The following MED25 variants were observed in gnomAD, a reference collection of about 807,000 sequenced individuals.
MED25 encodes mediator complex subunit 25.
MED25 carries 62 observed loss-of-function variants against 89.4 expected under a neutral mutation model. That is an observed-to-expected ratio of 0.69 (90% CI 0.57 to 0.86). The LOEUF (loss-of-function observed/expected upper bound fraction) is 0.86. Among genes scored for constraint, MED25 ranks in the 40% least tolerant of loss-of-function variants. The probability of loss-of-function intolerance (pLI) is 0.00; values close to 1 mark genes in which losing one functional copy is unlikely to be tolerated. For synonymous variants in MED25, 449 were observed against 427.9 expected (o/e 1.05, Z -0.61); for missense variants, 905 against 1,005.2 (o/e 0.90, Z 1.35).
Position 49,835,128 on chromosome 19 carries a change from CCAACCACAAG to C in MED25, c.1628_1637del (p.Asn543ArgfsTer51), listed in dbSNP as rs770792425. The C allele has an allele frequency of 7.4e-6, 12 of 1,614,000 alleles. No individual in the cohort carries two copies. The highest frequency in any genetic ancestry group is 1.0e-5 in the Non-Finnish European group (12 of 1,180,028). On this transcript the variant is annotated frameshift_variant, in exon 14 of 18. Transcript: ENST00000312865. LOFTEE classifies it high-confidence loss of function. This position sits in a 1 kb window ranked among gnomAD's most constrained non-coding sequence, Gnocchi z 6.2. Reference sequence around the variant, plus strand: ...GTCAACGGCATCCGGCAGGTCATCACCAACCACAAGCAGGTCCAGCAGCAGAAGCTGGAGC... The same window carrying C: ...GTCAACGGCATCCGGCAGGTCATCACCAGGTCCAGCAGCAGAAGCTGGAGC...
rs771874021 is a variant in MED25, at chr19:49,830,516, C to T, written c.825C>T (p.Pro275=). ...TTCTTCCCTTCTACCCACAGGTTCC[C>T]GGGAACCTGAGTGCAGCTCAGGTGG... ...LPPVPPQYQV[P]GNLSAAQVAA... Residue 275 remains proline (P), a synonymous_variant, in exon 8 of 18, where the codon CCC becomes CCT. Transcript: ENST00000312865. This position sits in a 1 kb window ranked among gnomAD's most constrained non-coding sequence, Gnocchi z 4.6. 4.0e-5 allele frequency: 65 copies of T among 1,613,916 alleles called. No homozygotes were observed. The highest frequency in any genetic ancestry group is 1.1e-4 in the African/African-American group (8 of 74,904).
chr19:49,835,195 C>T lies in MED25; in HGVS notation c.1674+18C>T. On this transcript the variant is annotated intron_variant, in intron 14 of 17. Transcript: ENST00000312865. The surrounding 1 kb of genome is among the most constrained non-coding windows in gnomAD (Gnocchi z 6.2). ...AGCGAGGAGTGAGTGTTGACAGTCC[C>T]CAAACCAGCACTCCGACCCCCTCCT... The T allele has an allele frequency of 6.2e-7, 1 of 1,613,626 alleles. No homozygotes were observed.
chr19:49,818,328 G>T lies in MED25; in HGVS notation c.-14G>T, dbSNP rs945390096. 6 of 1,572,476 alleles carry T rather than the reference G, an allele frequency of 3.8e-6. No homozygotes were observed. Among genetic ancestry groups the T allele is most frequent in the East Asian group, 2.4e-5 (1 of 42,444 alleles). The stretch of plus-strand genomic sequence containing the variant: ...GCTGCGGCTGCAGTGGTGGTGGCGG[G>T]TACCGCACGGGGTATGGTCCCCGGG... On this transcript the variant is annotated 5_prime_UTR_variant, in exon 1 of 18. Coordinates refer to ENST00000312865, the MANE Select transcript of MED25 (RefSeq NM_030973.4).
At chr19:49,819,808 C>T (rs2073969446) in intron 3 of MED25, 1 of 189,184 alleles carries the variant, frequency 5.3e-6, no homozygotes, top group Admixed American at 5.6e-5. Context: ...ATAGATCCCT[C>T]TGTGGCTTGG....
Position 49,831,514 on chromosome 19 carries a change from TG to T in MED25, c.1230+56del. ...CTTGGGACTCCTGGGGCCGTGGGGC[TG>T]GGCATGTAGGACTCATGGGGCCAGA... On this transcript the variant is annotated intron_variant, in intron 10 of 17. Coordinates refer to ENST00000312865, the MANE Select transcript of MED25 (RefSeq NM_030973.4). The surrounding 1 kb of genome is among the most constrained non-coding windows in gnomAD (Gnocchi z 5.0). 6.3e-7 allele frequency: 1 copy of T among 1,591,660 alleles called. No homozygotes were observed. Among genetic ancestry groups the T allele is most frequent in the South Asian group, 1.1e-5 (1 of 88,288 alleles).
Position 49,835,611 on chromosome 19 carries a change from G to T in MED25, c.1746+6G>T. 6.4e-7 allele frequency: 1 copy of T among 1,559,342 alleles called. No individual in the cohort carries two copies. Among genetic ancestry groups the T allele is most frequent in the East Asian group, 2.4e-5 (1 of 41,682 alleles). On this transcript the variant is annotated splice_donor_region_variant and intron_variant, in intron 15 of 17. Coordinates refer to ENST00000312865, the MANE Select transcript of MED25 (RefSeq NM_030973.4). This position sits in a 1 kb window ranked among gnomAD's most constrained non-coding sequence, Gnocchi z 6.2. Reference sequence around the variant, plus strand: ...CCAGGCCCTCACAGAATCTGGTGAGGACAGGGCTGGCGGGGTCGGGGCTGG... The same window carrying T: ...CCAGGCCCTCACAGAATCTGGTGAGTACAGGGCTGGCGGGGTCGGGGCTGG...
chr19:49,826,111 C>T (rs1227055642), intron 3 of MED25, among the ~76,000 whole-genome samples: 3 of 151,978 alleles, frequency 2.0e-5, no homozygotes, highest in Admixed American at 6.6e-5. Context: ...GAGGCCGAGG[C>T]GGGTGGATCA....
chr19:49,832,829 A>C (rs2074068425), intron 13 of MED25: 1 of 303,500 alleles, frequency 3.3e-6, no homozygotes, highest in South Asian at 3.0e-5. Flanking sequence ...CTCTCTCTAG[A>C]GGCTGGAGGG....
chr19:49,838,592 A>C, downstream of MED25: 1 of 457,460 alleles, frequency 2.2e-6, no homozygotes, highest in South Asian at 1.5e-5. Flanking sequence ...GCAAAACGAA[A>C]GAGAGAAGGA....
At chr19:49,828,888 G>A in intron 4 of MED25, 82 bp from the exon 5 acceptor site, 1 of 1,593,582 alleles carries the variant, frequency 6.3e-7, no homozygotes, top group Non-Finnish European at 8.5e-7. Context: ...CGGAATATGT[G>A]CATCTCCGCT....
At position 49,830,584 on chromosome 19, in the gene MED25, G is replaced by A; in HGVS notation, c.893G>A (p.Gly298Glu). The A allele has an allele frequency of 6.2e-7, 1 of 1,614,176 alleles. No individual in the cohort carries two copies. Among genetic ancestry groups the A allele is most frequent in the Non-Finnish European group, 8.5e-7 (1 of 1,180,008 alleles). Reference protein sequence around the residue: ...AVEAAKNQKAGLGPRFSPITP... With the variant: ...AVEAAKNQKAELGPRFSPITP... ...GAGGCTGCCAAGAACCAGAAGGCTG[G>A]GCTGGGCCCTCGCTGTGAGTCCTGG... The change falls in exon 8 of 18, where the codon GGG becomes GAG. Residue 298 changes from glycine to glutamate, a missense_variant. By Grantham distance (98) the Gly-to-Glu change is moderately conservative (BLOSUM62 -2). Around this residue, in one of 3 missense-constraint regions of MED25, gnomAD observed 501 missense variants for 526.9 expected, o/e 0.95. Coordinates refer to ENST00000312865, the MANE Select transcript of MED25 (RefSeq NM_030973.4). This position sits in a 1 kb window ranked among gnomAD's most constrained non-coding sequence, Gnocchi z 4.6.
At chr19:49,822,993 G>A (rs2073993725) in intron 3 of MED25, among the ~76,000 whole-genome samples, 1 of 152,118 alleles carries the variant, frequency 6.6e-6, no homozygotes, top group South Asian at 2.1e-4. Flanking sequence ...CTGTTGCCCA[G>A]ATTGGAGTGC....
Position 49,831,007 on chromosome 19 carries a change from G to C in MED25, c.1101+120G>C, listed in dbSNP as rs1006905058. 1 of 1,144,838 alleles carries C rather than the reference G, an allele frequency of 8.7e-7. No individual in the cohort carries two copies. The allele number at this position is 1,144,838 out of a possible 1,614,324, so 70.9% of individuals were successfully genotyped here. A position where few individuals can be genotyped will look rare whatever the true frequency, so the allele number is the denominator to read the frequency against. On this transcript the variant is annotated intron_variant, in intron 9 of 17. Coordinates refer to ENST00000312865, the MANE Select transcript of MED25 (RefSeq NM_030973.4). This position sits in a 1 kb window ranked among gnomAD's most constrained non-coding sequence, Gnocchi z 5.0. ...TGGCTCTCGTGGTTCTGGGGCTTTG[G>C]GGGCTCGTGGTGTGTGTGCTGCAGA...
chr19:49,821,138 CTGG>C (rs938440627), intron 3 of MED25, among the ~76,000 whole-genome samples: 1 of 152,156 alleles, frequency 6.6e-6, no homozygotes, highest in African/African-American at 2.4e-5. Context: ...AGGGGTTTGA[CTGG>C]TGGTGGGGAA....
rs1188355950 is a variant in MED25, at chr19:49,835,779, G to A, written c.1799G>A (p.Gly600Glu). 4.4e-6 allele frequency: 7 copies of A among 1,608,290 alleles called. No homozygotes were observed. The highest frequency in any genetic ancestry group is 2.7e-5 in the African/African-American group (2 of 74,916). The change falls in exon 16 of 18, where the codon GGG (glycine) becomes GAG (glutamate). Residue 600 changes from glycine (G) to glutamate (E), a missense_variant. Gly to Glu is a moderately conservative substitution (Grantham distance 98). Coordinates refer to ENST00000312865, the MANE Select transcript of MED25 (RefSeq NM_030973.4). The surrounding 1 kb of genome is among the most constrained non-coding windows in gnomAD (Gnocchi z 6.2). ...PQPQGTVGAS[G>E]ATGQPQPQGT... ...CCTCAGGGTACCGTAGGGGCCTCTGGGGCCACGGGGCAGCCCCAGCCCCAA... is the reference window on the plus strand; with the variant it reads ...CCTCAGGGTACCGTAGGGGCCTCTGAGGCCACGGGGCAGCCCCAGCCCCAA...
intron 13 of MED25, 76 bp downstream of exon 13, chr19:49,832,491 G>C: frequency 6.5e-6 from 6 of 918,918 alleles, no homozygotes; most frequent in Non-Finnish European, 1.0e-5. Context: ...GGGAATCCCA[G>C]AGTGCCTGGG....
In MED25 at chr19:49,836,755, C is replaced by T. The variant is rs893826836; in HGVS notation, c.2147-92C>T. 3.1e-6 allele frequency: 3 copies of T among 963,878 alleles called. No individual in the cohort carries two copies. Among genetic ancestry groups the T allele is most frequent in the African/African-American group, 1.6e-5 (1 of 62,118 alleles). 59.7% of individuals were successfully genotyped at this position (963,878 alleles called of 1,614,324 possible). ...GCCAGAAGGTGCTTCTGTTGGGTCC[C>T]CCAAGGGCTGCCTAGAAAACTTAGT... On this transcript the variant is annotated intron_variant, in intron 17 of 17. Coordinates refer to ENST00000312865, the MANE Select transcript of MED25 (RefSeq NM_030973.4). This position sits in a 1 kb window ranked among gnomAD's most constrained non-coding sequence, Gnocchi z 5.1.
rs2074087682 is a variant in MED25 at position 49,835,334 on chromosome 19, T to C, written c.1674+157T>C. On this transcript the variant is annotated intron_variant, in intron 14 of 17. Coordinates refer to ENST00000312865, the MANE Select transcript of MED25 (RefSeq NM_030973.4). The surrounding 1 kb of genome is among the most constrained non-coding windows in gnomAD (Gnocchi z 6.2). ...TCAGATTTTCTTGCAGTCTCTCTCC[T>C]TTTTCAGCATCCACATCAAAGCCCT... 6.6e-6 allele frequency among the ~76,000 whole-genome samples: 1 copy of C among 152,144 alleles called. No individual in the cohort carries two copies. Among genetic ancestry groups the C allele is most frequent in the Non-Finnish European group, 1.5e-5 (1 of 68,016 alleles).
At chr19:49,819,359 G>A (rs935859285) in intron 3 of MED25, 63 bp downstream of exon 3, 6 of 1,592,706 alleles carry the variant, frequency 3.8e-6, no homozygotes, top group Non-Finnish European at 5.1e-6. Context: ...ATGAGTGATG[G>A]CTTGGGGTGG....
Sources: allele counts gnomAD v4.1 joint callset (sites outside exome capture counted in the v4.1 genomes callset), GRCh38; gene constraint gnomAD v4.1.1; regional missense constraint gnomAD v4.1.1; non-coding constraint Gnocchi (gnomAD v3.1); transcripts MANE v1.5; gene names NCBI Gene and HGNC (gene_info 2026-07-23, HGNC 2026-07-21).